LRPPRC: variants seen among roughly 807,000 people sequenced by gnomAD.
LRPPRC encodes the protein leucine-rich PPR motif-containing protein, mitochondrial.
Under a neutral mutation model 180.3 loss-of-function variants are expected in LRPPRC, and 120 were observed. That is an observed-to-expected ratio of 0.67 (90% confidence interval 0.57 to 0.77). The LOEUF (loss-of-function observed/expected upper bound fraction) is 0.77, where lower values mean the gene tolerates loss of function less well. Ranked by LOEUF, LRPPRC falls within the 30% of genes least tolerant of loss-of-function variation. The probability of loss-of-function intolerance (pLI) is 0.00; values close to 1 mark genes in which losing one functional copy is unlikely to be tolerated. For missense variants in LRPPRC, 2,012 were observed against 1,657.2 expected, an observed-to-expected ratio of 1.21 and a Z score of -3.72; for synonymous variants, 723 against 600.0, an observed-to-expected ratio of 1.21 and a Z score of -3.00.
intron 1 of LRPPRC, among the ~76,000 whole-genome samples, chr2:43,983,818 C>T (rs1311910003): frequency 1.3e-5 from 2 of 152,134 alleles, no homozygotes; most frequent in Non-Finnish European, 2.9e-5. Context: ...CTAGAGGTTT[C>T]ACCTCAAGTT....
At chr2:43,896,178 C>T (rs1670672896) in intron 35 of LRPPRC, 1 of 161,624 alleles carries the variant, frequency 6.2e-6, no homozygotes, top group Non-Finnish European at 1.3e-5. Context: ...GTGACCGAAG[C>T]AACATAATTT....
chr2:43,891,269 C>T (rs970525537), intron 36 of LRPPRC, among the ~76,000 whole-genome samples: 2 of 152,338 alleles, frequency 1.3e-5, no homozygotes, highest in African/African-American at 4.8e-5. Context: ...AAATGGATTA[C>T]CTAATTTAGT....
intron 29 of LRPPRC, among the ~76,000 whole-genome samples, chr2:43,914,643 G>A (rs543762508): frequency 3.9e-4 from 60 of 151,972 alleles, no homozygotes; most frequent in Admixed American, 1.2e-3. Flanking sequence ...CTGGAGAATC[G>A]CTTGAACCCA....
chr2:43,919,105 G>C (rs769015014), intron 27 of LRPPRC, among the ~76,000 whole-genome samples: 3 of 151,572 alleles, frequency 2.0e-5, no homozygotes, highest in Non-Finnish European at 4.4e-5. Flanking sequence ...CAGATCAGCG[G>C]CAGCATTAGA....
chr2:43,899,310 G>C lies in LRPPRC; in HGVS notation c.3734C>G (p.Ala1245Gly). Residue 1245 changes from alanine (A) to glycine (G), a missense_variant, in exon 34 of 38, where the codon GCC (alanine) becomes GGC (glycine). Transcript: ENST00000260665. Reference protein sequence around the residue: ...EKISIMAERLANQFAIYKPVT... With the variant: ...EKISIMAERLGNQFAIYKPVT... ...AGGTTTATAAATTGCAAACTGATTG[G>C]CCAATCTCTCCGCCATGATGCTTAC... The C allele has an allele frequency of 6.2e-7, 1 of 1,613,952 alleles. No individual in the cohort carries two copies. Among genetic ancestry groups the C allele is most frequent in the Non-Finnish European group, 8.5e-7 (1 of 1,179,852 alleles).
intron 1 of LRPPRC, among the ~76,000 whole-genome samples, chr2:43,994,007 A>C (rs1674905614): frequency 6.6e-6 from 1 of 152,178 alleles, no homozygotes; most frequent in African/African-American, 2.4e-5. Context: ...ATGAACACCG[A>C]GACCACCCTT....
intron 11 of LRPPRC, among the ~76,000 whole-genome samples, chr2:43,964,033 G>A (rs550661529): frequency 6.6e-6 from 1 of 152,254 alleles, no homozygotes; most frequent in African/African-American, 2.4e-5. Context: ...CTATTATAGA[G>A]CAATGATGGA....
chr2:43,951,904 A>G (rs558855392), intron 14 of LRPPRC, among the ~76,000 whole-genome samples: 1 of 152,212 alleles, frequency 6.6e-6, no homozygotes, highest in Non-Finnish European at 1.5e-5. Flanking sequence ...CAAATAAAAA[A>G]TAGTTAAGGC....
At chr2:43,890,609 A>G (rs558100778) in intron 36 of LRPPRC, among the ~76,000 whole-genome samples, 21 of 152,318 alleles carry the variant, frequency 1.4e-4, no homozygotes, top group African/African-American at 4.8e-4. Flanking sequence ...GCTACTTGGG[A>G]GGCGGAGGCA....
Position 43,948,218 on chromosome 2 carries a change from G to A in LRPPRC, c.1843-19C>T. 1 of 1,418,666 alleles carries A rather than the reference G, an allele frequency of 7.0e-7. No homozygotes were observed. Among genetic ancestry groups the A allele is most frequent in the Non-Finnish European group, 1.0e-6 (1 of 1,002,014 alleles). 87.9% of individuals were successfully genotyped at this position (1,418,666 alleles called of 1,614,324 possible). On this transcript the variant is annotated intron_variant, in intron 17 of 37. Transcript: ENST00000260665. Reference sequence around the variant, plus strand: ...TTACATTCTGTGAGAAGGGAAGGGAGGGGGGAAAAAACCTGAGTTTTAGAC... The same window carrying A: ...TTACATTCTGTGAGAAGGGAAGGGAAGGGGGAAAAAACCTGAGTTTTAGAC...
chr2:43,914,872 C>T (rs975000188), intron 29 of LRPPRC, among the ~76,000 whole-genome samples: 3 of 151,858 alleles, frequency 2.0e-5, no homozygotes, highest in Non-Finnish European at 4.4e-5. Context: ...TTAAACTGTA[C>T]ACTAACCATA....
intron 22 of LRPPRC, among the ~76,000 whole-genome samples, chr2:43,945,100 G>T (rs1226279870): frequency 2.0e-5 from 3 of 152,060 alleles, no homozygotes; most frequent in Non-Finnish European, 2.9e-5. Context: ...ATAAAAACTA[G>T]CTGCAGAAAT....
At position 43,888,278 on chromosome 2, in the gene LRPPRC, T is replaced by C. The variant is rs1670343103; in HGVS notation, c.*322A>G. Reference sequence around the variant, plus strand: ...AGCAGACTAATAAGTGAATCTTAAATAAAGGAATAACATTTTAATGAAATA... The same window carrying C: ...AGCAGACTAATAAGTGAATCTTAAACAAAGGAATAACATTTTAATGAAATA... On this transcript the variant is annotated 3_prime_UTR_variant, in exon 38 of 38. Transcript: ENST00000260665. 1 of 283,578 alleles carries C rather than the reference T, an allele frequency of 3.5e-6. No homozygotes were observed. The highest frequency in any genetic ancestry group is 2.2e-5 in the African/African-American group (1 of 45,132). The allele number at this position is 283,578 out of a possible 1,614,324, so 17.6% of individuals were successfully genotyped here.
chr2:43,992,162 G>T (rs1320520429), intron 1 of LRPPRC, among the ~76,000 whole-genome samples: 1 of 152,142 alleles, frequency 6.6e-6, no homozygotes, highest in Non-Finnish European at 1.5e-5. Context: ...AATGGGAGAG[G>T]CAGTCAAGTT....
At chr2:43,946,355 A>G (rs1672682130) in intron 20 of LRPPRC, 112 bp from the exon 21 acceptor site, 1 of 804,648 alleles carries the variant, frequency 1.2e-6, no homozygotes, top group Non-Finnish European at 2.1e-6. Flanking sequence ...TTTAAAAATA[A>G]ATGGTTTCAT....
intron 35 of LRPPRC, among the ~76,000 whole-genome samples, chr2:43,896,085 G>A (rs145904479): frequency 2.4e-4 from 36 of 151,914 alleles, no homozygotes; most frequent in African/African-American, 8.5e-4. Context: ...CCTGATAAAT[G>A]CTCAAAAGTA....
At chr2:43,917,180 A>T (rs934631452) in intron 29 of LRPPRC, among the ~76,000 whole-genome samples, 6 of 151,232 alleles carry the variant, frequency 4.0e-5, no homozygotes, top group African/African-American at 1.2e-4. Flanking sequence ...AGCTGCGATG[A>T]CAGGCATGCA....
chr2:43,971,097 T>TC (rs1553410320), intron 11 of LRPPRC, among the ~76,000 whole-genome samples: 3 of 128,316 alleles, frequency 2.3e-5, no homozygotes, highest in Admixed American at 1.5e-4. Context: ...CGAAACTGTG[T>TC]CAAAAAAAAA....
At chr2:43,914,797 G>T (rs1054527771) in intron 29 of LRPPRC, among the ~76,000 whole-genome samples, 13 of 151,886 alleles carry the variant, frequency 8.6e-5, no homozygotes, top group African/African-American at 2.9e-4. Context: ...CAGAATAGAG[G>T]TAGCTCCACA....
Sources: gnomAD v4.1 joint callset for allele counts (sites outside exome capture counted in the v4.1 genomes callset) on GRCh38, gnomAD v4.1.1 for gene constraint, MANE v1.5 for transcripts, NCBI Gene and HGNC (gene_info 2026-07-23, HGNC 2026-07-21) for gene names.